DAB1: variants seen among roughly 807,000 people sequenced by gnomAD.
DAB1 encodes the protein DAB adaptor protein 1.
DAB1 carries 15 observed loss-of-function variants against 64.6 expected under a neutral mutation model. That is an observed-to-expected ratio of 0.23 (90% CI 0.16 to 0.36). DAB1 has a LOEUF of 0.36. Ranked by LOEUF, DAB1 falls within the 10% of genes least tolerant of loss-of-function variation. DAB1 has a pLI of 1.00. For synonymous variants in DAB1, 235 were observed against 251.9 expected (o/e 0.93, Z 0.64); for missense variants, 596 against 706.7 (o/e 0.84, Z 1.78).
intron 4 of DAB1, among the ~76,000 whole-genome samples, chr1:58,342,427 C>T (rs1643950315): frequency 6.6e-6 from 1 of 152,194 alleles, no homozygotes; most frequent in South Asian, 2.1e-4. Context: ...TGATCAGCAA[C>T]ATCCTAATGA....
Position 57,273,143 on chromosome 1 carries a change from T to C in DAB1, c.67+17821A>G, listed in dbSNP as rs564447342. Among the ~76,000 whole-genome samples, 17 of 152,314 alleles carry C rather than the reference T, an allele frequency of 1.1e-4. No individual in the cohort carries two copies. In the Middle Eastern group the frequency reaches 0.01, roughly 91 times the overall value. On this transcript the variant is annotated intron_variant, in intron 2 of 14. Transcript: ENST00000371236. The stretch of plus-strand genomic sequence containing the variant: ...TGAGAAAAGAAATATAACTGGTCAG[T>C]TTCCACCAGATGGTAGTGAATTGAA...
intron 6 of DAB1, among the ~76,000 whole-genome samples, chr1:57,730,455 C>T (rs557762373): frequency 6.6e-6 from 1 of 152,142 alleles, no homozygotes; most frequent in Non-Finnish European, 1.5e-5. Flanking sequence ...CTAGTCAGAG[C>T]GAAGAGGGCA....
At chr1:57,230,375 G>A (rs1168544613) in intron 2 of DAB1, among the ~76,000 whole-genome samples, 3 of 146,400 alleles carry the variant, frequency 2.0e-5, no homozygotes, top group Non-Finnish European at 4.5e-5. Flanking sequence ...TAAATGACAA[G>A]CTATCAAACG....
chr1:58,316,779 G>T (rs569736704), intron 4 of DAB1, among the ~76,000 whole-genome samples: 29 of 152,284 alleles, frequency 1.9e-4, no homozygotes, highest in Non-Finnish European at 3.4e-4. Flanking sequence ...GAGGTCAGGG[G>T]TGTCTGCTTC....
chr1:57,653,409 AT>A (rs1237261933), intron 6 of DAB1, among the ~76,000 whole-genome samples: 1 of 152,098 alleles, frequency 6.6e-6, no homozygotes, highest in Non-Finnish European at 1.5e-5. Flanking sequence ...ATTAGACATA[AT>A]TTTTTTAACA....
chr1:57,423,717 T>A (rs927265063), intron 1 of DAB1, among the ~76,000 whole-genome samples: 8 of 152,064 alleles, frequency 5.3e-5, no homozygotes, highest in South Asian at 2.1e-4. Context: ...AAGTCGCCCT[T>A]TTCCTCCCAG....
At chr1:57,758,650 T>A (rs1383004497) in intron 6 of DAB1, among the ~76,000 whole-genome samples, 1 of 152,198 alleles carries the variant, frequency 6.6e-6, no homozygotes, top group Non-Finnish European at 1.5e-5. Context: ...TATTTTTTCA[T>A]ATTTCAAGGC....
chr1:57,793,926 A>T (rs930705684), intron 6 of DAB1, among the ~76,000 whole-genome samples: 1 of 152,106 alleles, frequency 6.6e-6, no homozygotes, highest in African/African-American at 2.4e-5. Flanking sequence ...TGCCTAGTTG[A>T]TGGGGCATAG....
chr1:57,451,309 C>G (rs1423945097), intron 7 of DAB1, among the ~76,000 whole-genome samples: 3 of 152,176 alleles, frequency 2.0e-5, no homozygotes, highest in Non-Finnish European at 4.4e-5. Flanking sequence ...CAAGGTCAAC[C>G]TTTAAGATTT....
chr1:58,301,547 G>A (rs1662170158), intron 4 of DAB1, among the ~76,000 whole-genome samples: 1 of 152,048 alleles, frequency 6.6e-6, no homozygotes. Flanking sequence ...TTATGTGTGG[G>A]CCAAGACAAT....
intron 4 of DAB1, among the ~76,000 whole-genome samples, chr1:57,117,670 C>A (rs1386093838): frequency 6.6e-6 from 1 of 152,140 alleles, no homozygotes; most frequent in Non-Finnish European, 1.5e-5. Flanking sequence ...TTTGTAAAAC[C>A]TGCCAAGACA....
At chr1:57,374,483 A>G (rs1461286741) in intron 1 of DAB1, among the ~76,000 whole-genome samples, 1 of 152,230 alleles carries the variant, frequency 6.6e-6, no homozygotes, top group Non-Finnish European at 1.5e-5. Flanking sequence ...TTAATATTTG[A>G]CATAAAAAGA....
Position 57,893,996 on chromosome 1 carries a change from T to C in DAB1, n.388-9834A>G, listed in dbSNP as rs139673957. On this transcript the variant is annotated intron_variant and non_coding_transcript_variant, in intron 5 of 20. Transcript: ENST00000485760. ...GAAGAACGCCTCAACTGAGCATGCATACAACTCAGTAAACACACTGTGCAT... is the reference window on the plus strand; with the variant it reads ...GAAGAACGCCTCAACTGAGCATGCACACAACTCAGTAAACACACTGTGCAT... Among the ~76,000 whole-genome samples, 496 of 152,210 alleles carry C rather than the reference T, an allele frequency of 3.3e-3. 1 individual carries two copies. The highest frequency in any genetic ancestry group is 5.7e-3 in the Non-Finnish European group (389 of 68,028).
intron 6 of DAB1, among the ~76,000 whole-genome samples, chr1:57,763,128 G>A (rs917437457): frequency 6.6e-6 from 1 of 152,200 alleles, no homozygotes; most frequent in African/African-American, 2.4e-5. Flanking sequence ...GTATCACATA[G>A]TCCAAATTTC....
chr1:57,629,692 C>T (rs557811439), intron 7 of DAB1, among the ~76,000 whole-genome samples: 1 of 150,674 alleles, frequency 6.6e-6, no homozygotes, highest in South Asian at 2.1e-4. Context: ...CACAATGCTG[C>T]CTAGGTAGTT....
At chr1:57,244,644 C>G (rs1668732961) in intron 2 of DAB1, among the ~76,000 whole-genome samples, 2 of 152,208 alleles carry the variant, frequency 1.3e-5, no homozygotes, top group African/African-American at 4.8e-5. Context: ...ATTAGGGAAA[C>G]AGGGACTTCA....
At chr1:57,828,894 C>T (rs1652470040) in intron 1 of DAB1, among the ~76,000 whole-genome samples, 1 of 152,162 alleles carries the variant, frequency 6.6e-6, no homozygotes, top group Non-Finnish European at 1.5e-5. Context: ...ACATAACTTT[C>T]ATTTTATAGG....
At chr1:57,325,062 G>T (rs2100777234) in intron 1 of DAB1, among the ~76,000 whole-genome samples, 1 of 152,334 alleles carries the variant, frequency 6.6e-6, no homozygotes, top group Non-Finnish European at 1.5e-5. Context: ...AGATGCTGGA[G>T]CCTGCCCATT....
At chr1:57,483,731 G>A (rs1644053493) in intron 7 of DAB1, among the ~76,000 whole-genome samples, 1 of 152,050 alleles carries the variant, frequency 6.6e-6, no homozygotes. Context: ...GAAATGTCCT[G>A]CTTCCAGTTC....
Sources: allele counts gnomAD v4.1 joint callset (sites outside exome capture counted in the v4.1 genomes callset), GRCh38; gene constraint gnomAD v4.1.1; transcripts MANE v1.5; gene names NCBI Gene and HGNC (gene_info 2026-07-23, HGNC 2026-07-21).